The following COG5 variants were observed in gnomAD, a reference collection of about 807,000 sequenced individuals.
COG5 encodes conserved oligomeric Golgi complex subunit 5.
COG5 carries 86 observed loss-of-function variants against 110.4 expected under a neutral mutation model. The observed-to-expected ratio is 0.78, with a 90% CI of 0.65 to 0.93. The LOEUF (loss-of-function observed/expected upper bound fraction) is 0.93. COG5 is among the 40% of genes least tolerant of loss of function. COG5 has a pLI of 0.00. For synonymous variants in COG5, 360 were observed against 334.6 expected (o/e 1.08, Z -0.83); for missense variants, 1,077 against 987.0 (o/e 1.09, Z -1.22).
At chr7:107,256,664 C>T in intron 16 of COG5, 68 bp downstream of exon 16, 1 of 979,320 alleles carries the variant, frequency 1.0e-6, no homozygotes, top group South Asian at 1.3e-5. Context: ...TGTGACATTG[C>T]CCACTCAGCA....
At chr7:107,432,559 C>A (rs1255141206) in intron 6 of COG5, among the ~76,000 whole-genome samples, 1 of 152,098 alleles carries the variant, frequency 6.6e-6, no homozygotes, top group African/African-American at 2.4e-5. Context: ...GCAATCGTTT[C>A]AGTGTAAGAA....
At chr7:107,552,929 T>TA (rs1803026704) in intron 3 of COG5, among the ~76,000 whole-genome samples, 2 of 151,850 alleles carry the variant, frequency 1.3e-5, no homozygotes, top group East Asian at 1.9e-4. Flanking sequence ...TACACAGCCA[T>TA]AAAAAAAGAA....
intron 11 of COG5, among the ~76,000 whole-genome samples, chr7:107,304,667 C>A (rs1807558023): frequency 6.6e-6 from 1 of 152,164 alleles, no homozygotes; most frequent in African/African-American, 2.4e-5. Context: ...TCTTGACTAG[C>A]TGTGCCTAAA....
At chr7:107,520,494 CCAA>C (rs748834753) in intron 6 of COG5, among the ~76,000 whole-genome samples, 5 of 152,080 alleles carry the variant, frequency 3.3e-5, no homozygotes, top group Non-Finnish European at 7.4e-5. Context: ...TTCCTATACA[CCAA>C]CAACAGGCAA....
At chr7:107,532,038 C>G (rs766710556) in intron 5 of COG5, among the ~76,000 whole-genome samples, 9 of 152,120 alleles carry the variant, frequency 5.9e-5, no homozygotes, top group African/African-American at 1.2e-4. Flanking sequence ...GCCCTGGTTT[C>G]TTTTAGTAGA....
At chr7:107,269,454 G>A (rs538085326) in intron 14 of COG5, among the ~76,000 whole-genome samples, 109 of 146,222 alleles carry the variant, frequency 7.5e-4, no homozygotes, top group African/African-American at 2.6e-3. Context: ...CAGCCTGGGC[G>A]ACAGAGCAAG....
intron 10 of COG5, among the ~76,000 whole-genome samples, chr7:107,336,187 C>T (rs927261963): frequency 8.5e-5 from 13 of 152,252 alleles, no homozygotes; most frequent in African/African-American, 3.1e-4. Context: ...TAAAATGTGG[C>T]ATATATACCC....
At chr7:107,436,012 G>A (rs1442111951) in intron 6 of COG5, among the ~76,000 whole-genome samples, 1 of 152,200 alleles carries the variant, frequency 6.6e-6, no homozygotes, top group Non-Finnish European at 1.5e-5. Flanking sequence ...GAACTTGGAG[G>A]ATATGATATT....
chr7:107,295,038 T>TACACACACAC (rs1249923848), intron 12 of COG5, among the ~76,000 whole-genome samples: 19 of 53,380 alleles, frequency 3.6e-4, no homozygotes, highest in East Asian at 6.4e-4. Flanking sequence ...CACACACATA[T>TACACACACAC]ACACACACAC....
intron 12 of COG5, among the ~76,000 whole-genome samples, chr7:107,294,958 T>C (rs1265949040): frequency 6.2e-5 from 8 of 128,484 alleles, no homozygotes; most frequent in Non-Finnish European, 1.1e-4. Context: ...CACATATATA[T>C]ATACACACAT....
At chr7:107,280,340 T>C (rs1335635472) in intron 14 of COG5, among the ~76,000 whole-genome samples, 1 of 152,056 alleles carries the variant, frequency 6.6e-6, no homozygotes, top group Non-Finnish European at 1.5e-5. Context: ...CCATGGGAAC[T>C]AAAAGAAGGA....
rs565597440 is a variant in COG5 at position 107,560,218 on chromosome 7, T to C, written c.95-2103A>G. ...TTACACCATGGTAATCAGCAAACAC[T>C]ACAAAAATCAGGGCTTTTTCTATTT... On this transcript the variant is annotated intron_variant, in intron 1 of 21. Transcript: ENST00000297135. Among the ~76,000 whole-genome samples the C allele has an allele frequency of 7.9e-5, 12 of 152,200 alleles. No homozygotes were observed. In the South Asian group the frequency reaches 2.5e-3, roughly 32 times the overall value.
At chr7:107,324,322 G>A in intron 11 of COG5, 118 bp downstream of exon 11, 1 of 666,164 alleles carries the variant, frequency 1.5e-6, no homozygotes, top group Non-Finnish European at 2.6e-6. Flanking sequence ...AATTAGCCAG[G>A]AATTTTAAAA....
At chr7:107,432,036 TTG>T (rs139280214) in intron 6 of COG5, among the ~76,000 whole-genome samples, 1 of 151,724 alleles carries the variant, frequency 6.6e-6, no homozygotes, top group African/African-American at 2.4e-5. Context: ...GTGTGTGTGT[TTG>T]TGTGTGTGTG....
At chr7:107,360,887 C>G (rs1017458027) in intron 10 of COG5, among the ~76,000 whole-genome samples, 2 of 152,176 alleles carry the variant, frequency 1.3e-5, no homozygotes, top group African/African-American at 4.8e-5. Context: ...GAGGGCGGAA[C>G]GAGCCCAGCG....
chr7:107,307,467 T>C (rs1428258282), intron 11 of COG5, among the ~76,000 whole-genome samples: 1 of 152,230 alleles, frequency 6.6e-6, no homozygotes, highest in African/African-American at 2.4e-5. Flanking sequence ...TGTGTATCCA[T>C]CACTTAGTTT....
At chr7:107,460,063 C>A (rs1795894678) in intron 6 of COG5, among the ~76,000 whole-genome samples, 3 of 151,932 alleles carry the variant, frequency 2.0e-5, no homozygotes, top group Middle Eastern at 3.2e-3. Flanking sequence ...AAATTAGAAA[C>A]CGATAACAAA....
At position 107,365,345 on chromosome 7, in the gene COG5, A is replaced by G. The variant is rs180887189; in HGVS notation, c.836-2925T>C. 3.1e-3 allele frequency among the ~76,000 whole-genome samples: 465 copies of G among 152,194 alleles called. 4 individuals carry two copies. Among genetic ancestry groups the G allele is most frequent in the Non-Finnish European group, 5.0e-3 (341 of 67,956 alleles). On this transcript the variant is annotated intron_variant, in intron 8 of 21. Coordinates refer to ENST00000297135, the MANE Select transcript of COG5 (RefSeq NM_006348.5). ...AAGAAAATCAAACAAAAGATAGAAAATGTCAATTTCAAAGACACAAACAAT... is the reference window on the plus strand; with the variant it reads ...AAGAAAATCAAACAAAAGATAGAAAGTGTCAATTTCAAAGACACAAACAAT...
At chr7:107,299,341 C>T (rs1260010188) in intron 11 of COG5, among the ~76,000 whole-genome samples, 2 of 151,976 alleles carry the variant, frequency 1.3e-5, no homozygotes, top group Non-Finnish European at 2.9e-5. Flanking sequence ...CAGAGATGAT[C>T]TCATTACATA....
Sources: allele counts gnomAD v4.1 joint callset (sites outside exome capture counted in the v4.1 genomes callset), GRCh38; gene constraint gnomAD v4.1.1; transcripts MANE v1.5; gene names NCBI Gene and HGNC (gene_info 2026-07-23, HGNC 2026-07-21).